GSS: variants seen among roughly 807,000 people sequenced by gnomAD.
The protein encoded by GSS is glutathione synthetase.
GSS carries 34 observed loss-of-function variants against 60.4 expected under a neutral mutation model. That is an observed-to-expected ratio of 0.56 (90% confidence interval 0.43 to 0.75). GSS has a LOEUF of 0.75. GSS is among the 30% of genes least tolerant of loss of function. The pLI is 0.00. For synonymous variants in GSS, 224 were observed against 239.0 expected (o/e 0.94, Z 0.58); for missense variants, 499 against 595.1 (o/e 0.84, Z 1.68).
Position 34,944,996 on chromosome 20 carries a change from A to T in GSS, c.275+957T>A, listed in dbSNP as rs1226337901. ...TTTCTAGATATTTAATTCTACAATG[A>T]ATATATATACATATATATATGTATT... On this transcript the variant is annotated intron_variant, in intron 3 of 12. Transcript: ENST00000651619. Among the ~76,000 whole-genome samples, 3 of 151,842 alleles carry T rather than the reference A, an allele frequency of 2.0e-5. No individual in the cohort carries two copies. In the East Asian group the frequency reaches 5.8e-4, roughly 29 times the overall value.
intron 9 of GSS, chr20:34,934,255 C>T (rs1025718710): frequency 5.3e-5 from 8 of 150,250 alleles, no homozygotes; most frequent in Non-Finnish European, 1.0e-4. Context: ...TTTTCTTTGT[C>T]GTGTTTTGAA....
intron 1 of GSS, chr20:34,952,763 G>A (rs1010074799): frequency 6.6e-6 from 1 of 152,174 alleles, no homozygotes; most frequent in African/African-American, 2.4e-5. Context: ...AAGTTTTCCT[G>A]GGATAGGAGT....
chr20:34,933,726 A>T (rs1218239634), intron 9 of GSS: 1 of 152,232 alleles, frequency 6.6e-6, no homozygotes, highest in African/African-American at 2.4e-5. Context: ...TGACCAGAAC[A>T]TCAGAAATAA....
intron 6 of GSS, among the ~76,000 whole-genome samples, chr20:34,939,666 GT>G (rs1426360013): frequency 6.8e-6 from 1 of 147,446 alleles, no homozygotes; most frequent in Admixed American, 6.7e-5. Flanking sequence ...ATTTGGGTTT[GT>G]TTTTTGTTTT....
At chr20:34,929,670 G>T in intron 11 of GSS, 80 bp from the exon 12 acceptor site, 2 of 1,242,262 alleles carry the variant, frequency 1.6e-6, no homozygotes, top group Non-Finnish European at 2.4e-6. Flanking sequence ...GGCCACATGG[G>T]CAAGTCAGCA....
chr20:34,943,947 C>CT (rs1322013568), intron 3 of GSS, among the ~76,000 whole-genome samples: 1 of 152,188 alleles, frequency 6.6e-6, no homozygotes, highest in Non-Finnish European at 1.5e-5. Context: ...ACTTACTGCC[C>CT]TTTGAGATTC....
At chr20:34,937,655 A>G (rs1403869671) in intron 6 of GSS, among the ~76,000 whole-genome samples, 2 of 152,136 alleles carry the variant, frequency 1.3e-5, no homozygotes, top group Non-Finnish European at 2.9e-5. Context: ...ACTAGGGCTT[A>G]TGTGGCTTCT....
At chr20:34,953,616 CTTTCT>C (rs1416548616) in intron 1 of GSS, among the ~76,000 whole-genome samples, 23 of 137,692 alleles carry the variant, frequency 1.7e-4, no homozygotes, top group Non-Finnish European at 1.8e-4. Flanking sequence ...CTCCCTCTTT[CTTTCT>C]TTTTTTTTTT....
At chr20:34,951,108 G>A (rs1328000307) in intron 2 of GSS, among the ~76,000 whole-genome samples, 1 of 152,024 alleles carries the variant, frequency 6.6e-6, no homozygotes, top group Non-Finnish European at 1.5e-5. Flanking sequence ...CACCTAAATA[G>A]ACATGAGTAG....
chr20:34,936,056 CA>C (rs1351795921), intron 8 of GSS, among the ~76,000 whole-genome samples: 4 of 152,150 alleles, frequency 2.6e-5, no homozygotes, highest in African/African-American at 9.7e-5. Flanking sequence ...TTTTTAATGG[CA>C]GGGGTGAAGG....
At chr20:34,929,237 C>A in intron 12 of GSS, 164 bp downstream of exon 12, 1 of 754,604 alleles carries the variant, frequency 1.3e-6, no homozygotes, top group Admixed American at 2.0e-5. Context: ...GGGTCCTTGG[C>A]CTCATTTAAT....
At chr20:34,951,885 T>C (rs562871784) in intron 1 of GSS, 25 bp from the exon 2 acceptor site, 1 of 1,611,300 alleles carries the variant, frequency 6.2e-7, no homozygotes, top group African/African-American at 1.3e-5. Flanking sequence ...GAGAAGAGAG[T>C]TGGTAACAGA....
Position 34,945,982 on chromosome 20 carries a change from G to T in GSS, c.246C>A (p.Asn82Lys). 1 of 1,614,146 alleles carries T rather than the reference G, an allele frequency of 6.2e-7. No homozygotes were observed. Among genetic ancestry groups the T allele is most frequent in the Non-Finnish European group, 8.5e-7 (1 of 1,179,994 alleles). ...FNLLVDAVSQ[N>K]AAFLEQTLSS... is the part of the protein sequence containing the mutation. ...AAAGAGTTTGCTCCAGGAAGGCAGC[G>T]TTCTGGCTGACAGCATCCACTAGCA... The change falls in exon 3 of 13, where the codon AAC becomes AAA. Residue 82 changes from asparagine (N) to lysine (K), a missense_variant. Coordinates refer to ENST00000651619, the MANE Select transcript of GSS (RefSeq NM_000178.4).
intron 3 of GSS, 50 bp downstream of exon 3, chr20:34,945,903 T>C: frequency 6.3e-7 from 1 of 1,597,244 alleles, no homozygotes; most frequent in East Asian, 2.2e-5. Context: ...AATCTTCCAG[T>C]TCCTTGGCTC....
rs1479998458 is a variant in GSS at position 34,950,984 on chromosome 20, A to AG, written c.129+739dup. 7.2e-5 allele frequency among the ~76,000 whole-genome samples: 11 copies of AG among 152,128 alleles called. No homozygotes were observed. The East Asian group carries it at 2.1e-3, about 29-fold the overall frequency. On this transcript the variant is annotated intron_variant, in intron 2 of 12. Coordinates refer to ENST00000651619, the MANE Select transcript of GSS (RefSeq NM_000178.4). Reference sequence around the variant, plus strand: ...TTTTAAAAAGGTGTGGTTTGGACTCAGCAGTTCTACTTTTACGTATTGAAC... The same window carrying AG: ...TTTTAAAAAGGTGTGGTTTGGACTCAGGCAGTTCTACTTTTACGTATTGAAC...
In GSS at chr20:34,936,696, T is replaced by C. The variant is rs970266760; in HGVS notation, c.767+67A>G. The C allele has an allele frequency of 1.8e-5, 19 of 1,063,426 alleles. No homozygotes were observed. In the South Asian group the frequency reaches 2.4e-4, roughly 13 times the overall value. 65.9% of individuals were successfully genotyped at this position (1,063,426 alleles called of 1,614,324 possible). A position where few individuals can be genotyped will look rare whatever the true frequency, so the allele number is the denominator to read the frequency against. ...ACATCTCCCAGAAGAAAGAATCATT[T>C]TGGGGAAGAGGGTGGCAGGATGAGT... On this transcript the variant is annotated intron_variant, in intron 8 of 12. Transcript: ENST00000651619.
At position 34,936,667 on chromosome 20, in the gene GSS, C is replaced by T. The variant is rs1176221959; in HGVS notation, c.767+96G>A. The T allele has an allele frequency of 3.9e-5, 37 of 938,090 alleles. No individual in the cohort carries two copies. In the East Asian group the frequency reaches 7.9e-4, roughly 20 times the overall value. The allele number at this position is 938,090 out of a possible 1,614,324, so 58.1% of individuals were successfully genotyped here. On this transcript the variant is annotated intron_variant, in intron 8 of 12. Coordinates refer to ENST00000651619, the MANE Select transcript of GSS (RefSeq NM_000178.4). ...GGAATTATGAGAGAAGGAAGCAAGC[C>T]ATCACATCTCCCAGAAGAAAGAATC...
intron 6 of GSS, 46 bp from the exon 7 acceptor site, chr20:34,937,069 C>T (rs765852752): frequency 6.9e-7 from 1 of 1,441,222 alleles, no homozygotes; most frequent in South Asian, 1.1e-5. Flanking sequence ...AGAACTTGTT[C>T]TTCTTTTGTT....
intron 6 of GSS, among the ~76,000 whole-genome samples, chr20:34,939,189 G>A (rs970873787): frequency 1.1e-4 from 16 of 152,070 alleles, no homozygotes; most frequent in African/African-American, 3.4e-4. Flanking sequence ...GTAGTGAGCC[G>A]AGATCGTGCC....
Sources: gnomAD v4.1 joint callset for allele counts (sites outside exome capture counted in the v4.1 genomes callset) on GRCh38, gnomAD v4.1.1 for gene constraint, MANE v1.5 for transcripts, NCBI Gene and HGNC (gene_info 2026-07-23, HGNC 2026-07-21) for gene names.